ZNF664: variants seen among roughly 807,000 people sequenced by gnomAD.
The protein encoded by ZNF664 is zinc finger Organ of Corti 1.
In ZNF664, 10 loss-of-function variants were observed where a neutral mutation model predicts 18.2. The ratio of observed to expected loss-of-function variants is 0.55; its 90% confidence interval spans 0.34 to 0.93. The LOEUF (loss-of-function observed/expected upper bound fraction) is 0.93, where lower values mean the gene tolerates loss of function less well. ZNF664 is among the 40% of genes least tolerant of loss of function. The probability of loss-of-function intolerance (pLI) is 0.02; values close to 1 mark genes in which losing one functional copy is unlikely to be tolerated. For synonymous variants in ZNF664, 119 were observed against 104.2 expected (o/e 1.14, Z -0.86); for missense variants, 193 against 319.0 (o/e 0.61, Z 3.01).
chr12:123,995,298 C>T (rs973915065), intron 3 of ZNF664, among the ~76,000 whole-genome samples: 5 of 152,254 alleles, frequency 3.3e-5, no homozygotes, highest in African/African-American at 7.2e-5. Context: ...GCCGATCAGG[C>T]ACTTGCCAAG....
At chr12:124,006,542 A>G (rs1212433478) in intron 3 of ZNF664, among the ~76,000 whole-genome samples, 1 of 152,194 alleles carries the variant, frequency 6.6e-6, no homozygotes, top group Non-Finnish European at 1.5e-5. Context: ...TCAGTTCTTT[A>G]TTAGCTAGTT....
chr12:123,976,694 C>T (rs1388088743), intron 2 of ZNF664, among the ~76,000 whole-genome samples: 1 of 151,932 alleles, frequency 6.6e-6, no homozygotes, highest in African/African-American at 2.4e-5. Flanking sequence ...TTGGCCATCT[C>T]AGAGGGCTGC....
At chr12:124,001,058 T>C (rs1366114110) in intron 3 of ZNF664, among the ~76,000 whole-genome samples, 3 of 152,180 alleles carry the variant, frequency 2.0e-5, no homozygotes, top group Admixed American at 1.3e-4. Flanking sequence ...TTCTAAAGTT[T>C]TCTGTCTTAC....
intron 3 of ZNF664, among the ~76,000 whole-genome samples, chr12:123,990,879 G>A (rs1956881061): frequency 6.6e-6 from 1 of 152,186 alleles, no homozygotes; most frequent in Non-Finnish European, 1.5e-5. Context: ...TGTATCCTGA[G>A]GAAATCGTAT....
At chr12:123,976,583 A>C (rs1306670278) in intron 2 of ZNF664, among the ~76,000 whole-genome samples, 5 of 152,028 alleles carry the variant, frequency 3.3e-5, no homozygotes, top group African/African-American at 1.2e-4. Flanking sequence ...TACGAAGAGG[A>C]GTGACATAAT....
chr12:123,996,291 C>CAGCAGA (rs1956947523), intron 3 of ZNF664, among the ~76,000 whole-genome samples: 1 of 152,180 alleles, frequency 6.6e-6, no homozygotes, highest in African/African-American at 2.4e-5. Flanking sequence ...GGGAGAGCTG[C>CAGCAGA]AACTTGAATT....
chr12:124,001,379 G>A (rs1466139821), intron 3 of ZNF664, among the ~76,000 whole-genome samples: 1 of 152,154 alleles, frequency 6.6e-6, no homozygotes, highest in East Asian at 1.9e-4. Context: ...AAAGCTAACC[G>A]CTCTGGAGGC....
intron 3 of ZNF664, 129 bp downstream of exon 3, chr12:123,988,267 G>A (rs916529155): frequency 2.6e-5 from 20 of 771,224 alleles, no homozygotes; most frequent in African/African-American, 7.2e-5. Context: ...GCAGCTCTCC[G>A]TGCACGCTCT....
intron 3 of ZNF664, among the ~76,000 whole-genome samples, chr12:124,004,522 G>T (rs566233327): frequency 1.3e-5 from 2 of 152,334 alleles, no homozygotes; most frequent in African/African-American, 4.8e-5. Flanking sequence ...TTGTAATTTA[G>T]AACACTGTTG....
chr12:123,986,102 G>C (rs952000641), intron 2 of ZNF664, among the ~76,000 whole-genome samples: 16 of 151,970 alleles, frequency 1.1e-4, no homozygotes, highest in African/African-American at 3.6e-4. Context: ...GGTATGTCTA[G>C]GCATGTCTGG....
rs1957172388 is a variant in ZNF664, at chr12:124,014,717, T to G, written c.*1787T>G. The G allele has an allele frequency of 6.0e-6, 1 of 167,062 alleles. No individual in the cohort carries two copies. Among genetic ancestry groups the G allele is most frequent in the African/African-American group, 2.4e-5 (1 of 41,450 alleles). 10.3% of individuals were successfully genotyped at this position (167,062 alleles called of 1,614,324 possible). ...TGAAAGTTTGATTTTTCTTTCCATA[T>G]TTGAATTAATTTTTTCTGTTTGACT... On this transcript the variant is annotated 3_prime_UTR_variant, in exon 5 of 5. Coordinates refer to ENST00000337815, the MANE Select transcript of ZNF664 (RefSeq NM_152437.3).
intron 3 of ZNF664, chr12:123,989,360 A>T (rs1338525637): frequency 1.3e-5 from 2 of 152,334 alleles, no homozygotes; most frequent in African/African-American, 2.4e-5. Context: ...ACAAGGGCAA[A>T]TGTTCTCTCT....
At chr12:123,975,565 A>G (rs1385341704) in intron 2 of ZNF664, among the ~76,000 whole-genome samples, 1 of 152,058 alleles carries the variant, frequency 6.6e-6, no homozygotes, top group African/African-American at 2.4e-5. Context: ...GTTAGGAATG[A>G]CTACAACCAT....
At chr12:124,010,546 C>T (rs1010492769) in intron 3 of ZNF664, among the ~76,000 whole-genome samples, 1 of 152,162 alleles carries the variant, frequency 6.6e-6, no homozygotes, top group Non-Finnish European at 1.5e-5. Flanking sequence ...AGAAATGTAC[C>T]TTTATCTGCT....
rs1003824313 is a variant in ZNF664, at chr12:124,014,654, G to T, written c.*1724G>T. 8 of 167,074 alleles carry T rather than the reference G, an allele frequency of 4.8e-5. No individual in the cohort carries two copies. Among genetic ancestry groups the T allele is most frequent in the African/African-American group, 1.9e-4 (8 of 41,440 alleles). 10.3% of individuals were successfully genotyped at this position (167,074 alleles called of 1,614,324 possible). ...GTGGTGTCTGTCAGCTGTCTAAGAG[G>T]TTGGAAAATGAACTACTCAAGATAG... On this transcript the variant is annotated 3_prime_UTR_variant, in exon 5 of 5. Coordinates refer to ENST00000337815, the MANE Select transcript of ZNF664 (RefSeq NM_152437.3).
In ZNF664 at chr12:124,014,121, A is replaced by G. The variant is rs1957164799; in HGVS notation, c.*1191A>G. On this transcript the variant is annotated 3_prime_UTR_variant, in exon 5 of 5. Transcript: ENST00000337815. ...GTAAACAAATAAATAATGTAGTTTG[A>G]GATAGTGATTAAGTGCTATGAAGAA... The G allele has an allele frequency of 6.3e-6, 1 of 158,758 alleles. No individual in the cohort carries two copies. Among genetic ancestry groups the G allele is most frequent in the Non-Finnish European group, 1.5e-5 (1 of 65,676 alleles). 9.8% of individuals were successfully genotyped at this position (158,758 alleles called of 1,614,324 possible).
chr12:123,988,197 TA>T, intron 3 of ZNF664, 59 bp downstream of exon 3: 3 of 1,229,330 alleles, frequency 2.4e-6, no homozygotes, highest in Non-Finnish European at 3.0e-6. Flanking sequence ...TTGAGTATTT[TA>T]AGCCAAAGCT....
intron 2 of ZNF664, among the ~76,000 whole-genome samples, chr12:123,985,716 T>C (rs552177726): frequency 6.6e-5 from 10 of 152,312 alleles, no homozygotes; most frequent in Middle Eastern, 3.4e-3. Context: ...CATACACTTA[T>C]CCAAGGGGTG....
intron 3 of ZNF664, among the ~76,000 whole-genome samples, chr12:123,991,794 C>T (rs1217031720): frequency 6.6e-6 from 1 of 152,174 alleles, no homozygotes; most frequent in Non-Finnish European, 1.5e-5. Context: ...CCTGTGTCAT[C>T]CTTGATCACC....
Sources: gnomAD v4.1 joint callset for allele counts (sites outside exome capture counted in the v4.1 genomes callset) on GRCh38, gnomAD v4.1.1 for gene constraint, MANE v1.5 for transcripts, NCBI Gene and HGNC (gene_info 2026-07-23, HGNC 2026-07-21) for gene names.